PDE5A: variants seen among roughly 807,000 people sequenced by gnomAD.
PDE5A encodes the protein cGMP-specific 3',5'-cyclic phosphodiesterase.
Under a neutral mutation model 110.2 loss-of-function variants are expected in PDE5A, and 67 were observed. The observed-to-expected ratio is 0.61, with a 90% CI of 0.50 to 0.75. The LOEUF (loss-of-function observed/expected upper bound fraction) is 0.75, where lower values mean the gene tolerates loss of function less well. Among genes scored for constraint, PDE5A ranks in the 30% least tolerant of loss-of-function variants. The pLI is 0.00. For synonymous variants in PDE5A, 328 were observed against 351.2 expected, an observed-to-expected ratio of 0.93 and a Z score of 0.74; for missense variants, 862 against 1,045.1, an observed-to-expected ratio of 0.82 and a Z score of 2.42.
intron 3 of PDE5A, among the ~76,000 whole-genome samples, chr4:119,582,947 A>C (rs1378168863): frequency 6.6e-6 from 1 of 152,122 alleles, no homozygotes; most frequent in Non-Finnish European, 1.5e-5. Flanking sequence ...CATAATTCTT[A>C]AGGGCCCTAG....
intron 3 of PDE5A, among the ~76,000 whole-genome samples, chr4:119,588,010 G>A (rs1221518850): frequency 1.3e-5 from 2 of 152,196 alleles, no homozygotes; most frequent in African/African-American, 2.4e-5. Context: ...GATAAACACA[G>A]CAGGGCACTT....
At chr4:119,577,817 G>C (rs1030135650) in intron 3 of PDE5A, among the ~76,000 whole-genome samples, 1 of 152,196 alleles carries the variant, frequency 6.6e-6, no homozygotes, top group Non-Finnish European at 1.5e-5. Context: ...ATTCAACACA[G>C]TGTTGGAAGT....
chr4:119,576,864 AC>A (rs1728371188), intron 3 of PDE5A, among the ~76,000 whole-genome samples: 1 of 152,218 alleles, frequency 6.6e-6, no homozygotes, highest in African/African-American at 2.4e-5. Context: ...AAACAGAGAC[AC>A]AAAAAACCCG....
intron 5 of PDE5A, 88 bp from the exon 6 acceptor site, chr4:119,563,058 A>G: frequency 2.7e-6 from 3 of 1,119,836 alleles, no homozygotes; most frequent in South Asian, 3.5e-5. Context: ...AATTGTTTAT[A>G]TAACCTAGCA....
At position 119,525,669 on chromosome 4, in the gene PDE5A, G is replaced by C; in HGVS notation, c.1659C>G (p.Thr553=). 1.2e-6 allele frequency: 2 copies of C among 1,612,802 alleles called. No individual in the cohort carries two copies. Among genetic ancestry groups the C allele is most frequent in the South Asian group, 2.2e-5 (2 of 91,026 alleles). Residue 553 remains threonine, a synonymous_variant, in exon 12 of 21, where the codon ACC becomes ACG. Coordinates refer to ENST00000354960, the MANE Select transcript of PDE5A (RefSeq NM_001083.4). This position sits in a 1 kb window ranked among gnomAD's most constrained non-coding sequence, Gnocchi z 4.3. ...TGAAGCTAAAGTCAGTAATTTTAAGGGTCTGGGCAGATGGCACCACAGCAG... is the reference window on the plus strand; with the variant it reads ...TGAAGCTAAAGTCAGTAATTTTAAGCGTCTGGGCAGATGGCACCACAGCAG... The part of the protein sequence containing the change: ...LAAAVVPSAQ[T]LKITDFSFSD...
chr4:119,570,615 T>C (rs1728107265), intron 3 of PDE5A, among the ~76,000 whole-genome samples: 1 of 152,204 alleles, frequency 6.6e-6, no homozygotes. Context: ...GCTGGTTGTT[T>C]CAGGGCAACT....
intron 2 of PDE5A, among the ~76,000 whole-genome samples, chr4:119,600,220 C>G (rs949552535): frequency 3.3e-5 from 5 of 151,856 alleles, no homozygotes; most frequent in South Asian, 2.1e-4. Flanking sequence ...GAAGCCTAGT[C>G]TTTCATTTTT....
chr4:119,627,051 TC>T lies in PDE5A; in HGVS notation c.152+1468del. 7.5e-7 allele frequency: 1 copy of T among 1,335,606 alleles called. No individual in the cohort carries two copies. 82.7% of individuals were successfully genotyped at this position (1,335,606 alleles called of 1,614,324 possible). On this transcript the variant is annotated intron_variant, in intron 1 of 20. Coordinates refer to ENST00000354960, the MANE Select transcript of PDE5A (RefSeq NM_001083.4). The surrounding 1 kb of genome is among the most constrained non-coding windows in gnomAD (Gnocchi z 4.6). ...ACAGTCAATTTTCAATGATACATCG[TC>T]CCACTGGTGCCACCGGGGCGCCACC...
At chr4:119,561,515 C>T (rs146149844) in intron 6 of PDE5A, among the ~76,000 whole-genome samples, 5 of 152,088 alleles carry the variant, frequency 3.3e-5, no homozygotes, top group Non-Finnish European at 7.4e-5. Flanking sequence ...CCATTGAGTG[C>T]GAATTAAAGT....
intron 19 of PDE5A, chr4:119,502,379 A>G (rs763150488): frequency 2.5e-6 from 1 of 400,286 alleles, no homozygotes; most frequent in Non-Finnish European, 4.4e-6. Context: ...CAATATGATG[A>G]ACCCAAGAGT....
At chr4:119,501,345 C>T (rs1479794412) in intron 19 of PDE5A, 92 bp from the exon 20 acceptor site, 2 of 775,644 alleles carry the variant, frequency 2.6e-6, no homozygotes, top group Non-Finnish European at 4.3e-6. Flanking sequence ...GAGTCTCACT[C>T]TGTTGTCCAG....
At chr4:119,506,761 C>T (rs944174653) in intron 16 of PDE5A, among the ~76,000 whole-genome samples, 3 of 151,604 alleles carry the variant, frequency 2.0e-5, no homozygotes, top group African/African-American at 7.3e-5. Context: ...TTGTCTTAAC[C>T]TCAAAATGCT....
chr4:119,507,837 A>G, intron 15 of PDE5A, 133 bp from the exon 16 acceptor site: 1 of 628,790 alleles, frequency 1.6e-6, no homozygotes, highest in South Asian at 1.9e-5. Context: ...CTTAAATACC[A>G]TGAAATAAAG....
intron 3 of PDE5A, among the ~76,000 whole-genome samples, chr4:119,584,705 T>A (rs1297577880): frequency 6.6e-6 from 1 of 152,186 alleles, no homozygotes; most frequent in Admixed American, 6.5e-5. Flanking sequence ...CTCCTTTGCA[T>A]GACATTAGAA....
chr4:119,506,846 G>A (rs35777352), intron 16 of PDE5A, among the ~76,000 whole-genome samples: 2,962 of 151,892 alleles, frequency 0.02, 50 homozygotes, highest in Non-Finnish European at 0.027. Flanking sequence ...ATGTTTTTGT[G>A]TTTTTTCTAT....
intron 3 of PDE5A, among the ~76,000 whole-genome samples, chr4:119,585,256 C>A (rs1172965816): frequency 1.5e-5 from 2 of 134,006 alleles, no homozygotes; most frequent in Admixed American, 8.0e-5. Flanking sequence ...GCCTGGGCGA[C>A]AAGAGTGAAA....
intron 11 of PDE5A, among the ~76,000 whole-genome samples, chr4:119,527,488 GT>G (rs1726368768): frequency 6.6e-6 from 1 of 152,058 alleles, no homozygotes; most frequent in Non-Finnish European, 1.5e-5. Context: ...TCAACTTTCT[GT>G]TTAACTTAGA....
At chr4:119,590,078 C>T (rs779438954) in intron 3 of PDE5A, among the ~76,000 whole-genome samples, 8 of 152,118 alleles carry the variant, frequency 5.3e-5, no homozygotes, top group Non-Finnish European at 7.4e-5. Flanking sequence ...CCCTACAGTC[C>T]GAATGCCTGG....
At position 119,502,013 on chromosome 4, in the gene PDE5A, G is replaced by A. The variant is rs114521948; in HGVS notation, c.2406+568C>T. ...TCTGAGGAGAACTTTGAACAAAGGA[G>A]TAAACAAGTAGAATGCTGAGAAAAC... is the stretch of plus-strand genomic sequence containing the variant. On this transcript the variant is annotated intron_variant, in intron 19 of 20. Coordinates refer to ENST00000354960, the MANE Select transcript of PDE5A (RefSeq NM_001083.4). Among the ~76,000 whole-genome samples the A allele has an allele frequency of 7.6e-3, 1,161 of 152,214 alleles. 13 individuals carry two copies. Among genetic ancestry groups the A allele is most frequent in the African/African-American group, 0.026 (1,095 of 41,552 alleles).
Sources: allele counts gnomAD v4.1 joint callset (sites outside exome capture counted in the v4.1 genomes callset), GRCh38; gene constraint gnomAD v4.1.1; non-coding constraint Gnocchi (gnomAD v3.1); transcripts MANE v1.5; gene names NCBI Gene and HGNC (gene_info 2026-07-23, HGNC 2026-07-21).